Variants in ARFGAP1 observed in about 807,000 individuals in gnomAD.
The protein encoded by ARFGAP1 is ADP-ribosylation factor GTPase-activating protein 1.
A neutral mutation model predicts 54.0 loss-of-function variants in ARFGAP1; 26 were observed. That is an observed-to-expected ratio of 0.48 (90% confidence interval 0.35 to 0.67). The LOEUF (loss-of-function observed/expected upper bound fraction) is 0.67. ARFGAP1 is among the 30% of genes least tolerant of loss of function. The pLI is 0.00. For synonymous variants in ARFGAP1, 248 were observed against 211.9 expected, an observed-to-expected ratio of 1.17 and a Z score of -1.48; for missense variants, 525 against 535.8, an observed-to-expected ratio of 0.98 and a Z score of 0.20.
intron 9 of ARFGAP1, 128 bp downstream of exon 9, chr20:63,282,979 C>T (rs776948633): frequency 2.4e-4 from 248 of 1,032,972 alleles, no homozygotes; most frequent in Non-Finnish European, 3.5e-4. Flanking sequence ...GGGGTCCCAG[C>T]GTAGAAGGGG....
At chr20:63,281,426 A>G in intron 8 of ARFGAP1, 79 bp downstream of exon 8, 1 of 1,484,936 alleles carries the variant, frequency 6.7e-7, no homozygotes. Context: ...GGGTTCTGGG[A>G]GCTGCAGAAG....
chr20:63,284,378 C>T (rs911265004), intron 9 of ARFGAP1: 37 of 1,067,966 alleles, frequency 3.5e-5, no homozygotes, highest in East Asian at 1.5e-4. Flanking sequence ...CGTGTGGCCT[C>T]GACTCCACTG....
intron 10 of ARFGAP1, 79 bp from the exon 11 acceptor site, chr20:63,285,575 C>G: frequency 4.0e-6 from 6 of 1,484,310 alleles, no homozygotes; most frequent in Middle Eastern, 3.5e-4. Context: ...TGCCCTCACC[C>G]GGGGGATTCC....
Position 63,285,434 on chromosome 20 carries a change from G to C in ARFGAP1, c.775-220G>C, listed in dbSNP as rs1329185871. The C allele has an allele frequency of 2.2e-5, 13 of 597,392 alleles. No individual in the cohort carries two copies. The East Asian group carries it at 3.7e-4, about 17-fold the overall frequency. The allele number at this position is 597,392 out of a possible 1,614,324, so 37.0% of individuals were successfully genotyped here. A position where few individuals can be genotyped will look rare whatever the true frequency, so the allele number is the denominator to read the frequency against. On this transcript the variant is annotated intron_variant, in intron 10 of 12. Transcript: ENST00000370283. ...CGTTGCTATTTGTCAGCAGTGGCCG[G>C]CAGGGGCCACGTTTGCAGACACCAG...
At chr20:63,286,595 G>A (rs937725645) in intron 12 of ARFGAP1, among the ~76,000 whole-genome samples, 153 bp downstream of exon 12, 2 of 151,322 alleles carry the variant, frequency 1.3e-5, no homozygotes, top group Admixed American at 6.6e-5. Flanking sequence ...TTGCTGGGGA[G>A]GGGGCACTGT....
Position 63,286,378 on chromosome 20 carries a change from G to C in ARFGAP1, c.847G>C (p.Gly283Arg). ...SQLASKVQGV[G>R]SKGWRDVTTF... ...CGTCTCCTTCCAGGTCCAGGGAGTCGGTAGTAAGGGATGGCGGGACGTCAC... is the reference window on the plus strand; with the variant it reads ...CGTCTCCTTCCAGGTCCAGGGAGTCCGTAGTAAGGGATGGCGGGACGTCAC... Residue 283 changes from glycine to arginine, a missense_variant, in exon 12 of 13, where the codon GGT becomes CGT. Transcript: ENST00000370283. 1 of 1,613,476 alleles carries C rather than the reference G, an allele frequency of 6.2e-7. No homozygotes were observed. Among genetic ancestry groups the C allele is most frequent in the Non-Finnish European group, 8.5e-7 (1 of 1,180,000 alleles).
At position 63,276,375 on chromosome 20, in the gene ARFGAP1, C is replaced by T; in HGVS notation, c.171-105C>T. On this transcript the variant is annotated intron_variant, in intron 3 of 12. Transcript: ENST00000370283. This position sits in a 1 kb window ranked among gnomAD's most constrained non-coding sequence, Gnocchi z 5.2. ...TCCAGCTGCTGGCCACTCAGCCTCC[C>T]TGCGGCTGCTGCTTGCTGTGTCTAA... 6.8e-7 allele frequency: 1 copy of T among 1,462,490 alleles called. No individual in the cohort carries two copies. The highest frequency in any genetic ancestry group is 1.4e-5 in the African/African-American group (1 of 71,720). 90.6% of individuals were successfully genotyped at this position (1,462,490 alleles called of 1,614,324 possible).
chr20:63,280,922 C>A (rs1185854028), intron 7 of ARFGAP1, among the ~76,000 whole-genome samples: 1 of 152,210 alleles, frequency 6.6e-6, no homozygotes, highest in Non-Finnish European at 1.5e-5. Flanking sequence ...TTACGCTGGT[C>A]GTGACCCCAC....
rs140253128 is a variant in ARFGAP1 at position 63,284,881 on chromosome 20, C to T, written c.733C>T (p.His245Tyr). 3.0e-5 allele frequency: 49 copies of T among 1,612,986 alleles called. No individual in the cohort carries two copies. In the African/African-American group the frequency reaches 4.9e-4, roughly 16 times the overall value. The change falls in exon 10 of 13, where the codon CAC (histidine) becomes TAC (tyrosine). Residue 245 changes from histidine (H) to tyrosine (Y), a missense_variant. Physicochemically the swap from His to Tyr is moderately conservative, Grantham distance 83. This residue lies in a region of ARFGAP1 where 466 missense variants were observed against 453.6 expected (regional missense o/e 1.03). Coordinates refer to ENST00000370283, the MANE Select transcript of ARFGAP1 (RefSeq NM_018209.4). Reference protein sequence around the residue: ...QASQKASELGHSLNENVLKPA... With the variant: ...QASQKASELGYSLNENVLKPA... Reference sequence around the variant, plus strand: ...CTTCCTACAGGCGTCCGAGCTGGGCCACAGCCTGAACGAGAACGTCCTCAA... The same window carrying T: ...CTTCCTACAGGCGTCCGAGCTGGGCTACAGCCTGAACGAGAACGTCCTCAA...
chr20:63,286,063 G>A, intron 11 of ARFGAP1: 1 of 1,549,736 alleles, frequency 6.5e-7, no homozygotes, highest in Non-Finnish European at 8.7e-7. Context: ...CCTGGCATGA[G>A]GCGCTCTGCG....
intron 1 of ARFGAP1, among the ~76,000 whole-genome samples, chr20:63,275,177 G>A (rs771798720): frequency 2.6e-5 from 4 of 152,200 alleles, no homozygotes; most frequent in Admixed American, 6.5e-5. Context: ...GTGGTGTGTC[G>A]CCTTTTAGGT....
rs2067623950 is a variant in ARFGAP1 at position 63,288,394 on chromosome 20, C to G, written c.*521C>G. On this transcript the variant is annotated 3_prime_UTR_variant, in exon 13 of 13. Transcript: ENST00000370283. ...TGGCGCTCACGCTGCCATCCGACCA[C>G]CCTCGGCTCCCGAGTCCACGCCTGC... 2.2e-6 allele frequency: 1 copy of G among 456,164 alleles called. No homozygotes were observed. The highest frequency in any genetic ancestry group is 2.0e-5 in the African/African-American group (1 of 50,078). 28.3% of individuals were successfully genotyped at this position (456,164 alleles called of 1,614,324 possible). A position where few individuals can be genotyped will look rare whatever the true frequency, so the allele number is the denominator to read the frequency against.
In ARFGAP1 at chr20:63,275,863, G is replaced by A. The variant is rs568196160; in HGVS notation, c.60+223G>A. ...AGTGCTGGCTGTCGGGGGTGGGGGC[G>A]CCTCCACATTTCTCAGGTCACTCGC... On this transcript the variant is annotated intron_variant, in intron 2 of 12. Transcript: ENST00000370283. Among the ~76,000 whole-genome samples the A allele has an allele frequency of 4.5e-4, 69 of 152,316 alleles. 2 individuals are homozygous for A. In the East Asian group the frequency reaches 5.2e-3, roughly 12 times the overall value.
chr20:63,273,062 T>C (rs1171209228), intron 1 of ARFGAP1, 142 bp downstream of exon 1: 1 of 151,806 alleles, frequency 6.6e-6, no homozygotes, highest in African/African-American at 2.4e-5. Flanking sequence ...GCCCCAGAGC[T>C]TGGGGGCGCC....
At chr20:63,278,811 C>CA in intron 6 of ARFGAP1, 88 bp from the exon 7 acceptor site, 1 of 1,322,334 alleles carries the variant, frequency 7.6e-7, no homozygotes, top group Non-Finnish European at 1.1e-6. Context: ...CCCAGAGCCC[C>CA]AGCCTTGCCT....
In ARFGAP1 at chr20:63,275,988, G is replaced by A. The variant is rs2067225471; in HGVS notation, c.61-103G>A. On this transcript the variant is annotated intron_variant, in intron 2 of 12. Transcript: ENST00000370283. ...CCTGACCCACACCCCCGGCCACCCTGGGCAGCCCTCTGCATTCGCTCCTTG... is the reference window on the plus strand; with the variant it reads ...CCTGACCCACACCCCCGGCCACCCTAGGCAGCCCTCTGCATTCGCTCCTTG... 1.4e-5 allele frequency: 15 copies of A among 1,049,558 alleles called. No homozygotes were observed. In the South Asian group the frequency reaches 1.8e-4, roughly 13 times the overall value. 65.0% of individuals were successfully genotyped at this position (1,049,558 alleles called of 1,614,324 possible).
At chr20:63,283,126 G>C (rs2067430607) in intron 9 of ARFGAP1, 5 of 529,042 alleles carry the variant, frequency 9.5e-6, no homozygotes, top group Non-Finnish European at 1.7e-5. Context: ...CGGCCACCTT[G>C]TTGGGAGCAG....
rs747296605 is a variant in ARFGAP1 at position 63,275,659 on chromosome 20, C to G, written c.60+19C>G. On this transcript the variant is annotated intron_variant, in intron 2 of 12. Coordinates refer to ENST00000370283, the MANE Select transcript of ARFGAP1 (RefSeq NM_018209.4). ...GAACAACGTAAGCCTCTGCCCCCCA[C>G]CCCCCGCCCTAAGGCTTGGTCAGGG... 4 of 1,605,322 alleles carry G rather than the reference C, an allele frequency of 2.5e-6. No individual in the cohort carries two copies. The highest frequency in any genetic ancestry group is 3.4e-6 in the Non-Finnish European group (4 of 1,172,572).
At chr20:63,275,985 C>A in intron 2 of ARFGAP1, 106 bp from the exon 3 acceptor site, 1 of 1,027,556 alleles carries the variant, frequency 9.7e-7, no homozygotes, top group Non-Finnish European at 1.5e-6. Flanking sequence ...CCCCGGCCAC[C>A]CTGGGCAGCC....
Sources: allele counts gnomAD v4.1 joint callset (sites outside exome capture counted in the v4.1 genomes callset), GRCh38; gene constraint gnomAD v4.1.1; regional missense constraint gnomAD v4.1.1; non-coding constraint Gnocchi (gnomAD v3.1); transcripts MANE v1.5; gene names NCBI Gene and HGNC (gene_info 2026-07-23, HGNC 2026-07-21).